The following CYSTM1 variants were observed in gnomAD, a reference collection of about 807,000 sequenced individuals.
The protein encoded by CYSTM1 is cysteine-rich transmembrane module-containing protein 1.
CYSTM1 carries 4 observed loss-of-function variants against 13.1 expected under a neutral mutation model. The ratio of observed to expected loss-of-function variants is 0.31; its 90% CI spans 0.15 to 0.70. CYSTM1 has a LOEUF of 0.70. Among genes scored for constraint, CYSTM1 ranks in the 30% least tolerant of loss-of-function variants. The probability of loss-of-function intolerance (pLI) is 0.72; values close to 1 mark genes in which losing one functional copy is unlikely to be tolerated. For missense variants in CYSTM1, 96 were observed against 121.6 expected (o/e 0.79, Z 0.99); for synonymous variants, 36 against 42.7 (o/e 0.84, Z 0.62).
intron 2 of CYSTM1, among the ~76,000 whole-genome samples, chr5:140,225,856 G>A (rs562489207): frequency 2.6e-5 from 4 of 152,296 alleles, no homozygotes; most frequent in African/African-American, 7.2e-5. Context: ...GTGGCTTTGG[G>A]CATATCCATC....
At chr5:140,222,216 G>A (rs1014710576) in intron 2 of CYSTM1, among the ~76,000 whole-genome samples, 3 of 152,174 alleles carry the variant, frequency 2.0e-5, no homozygotes, top group African/African-American at 7.2e-5. Context: ...GTGCAAGCAT[G>A]GTATTATCCC....
intron 1 of CYSTM1, among the ~76,000 whole-genome samples, chr5:140,186,628 CTG>C (rs904720114): frequency 1.8e-4 from 27 of 152,296 alleles, no homozygotes; most frequent in African/African-American, 6.3e-4. Flanking sequence ...GTGTTATTGT[CTG>C]TCTCTCTCAT....
At chr5:140,186,293 G>A (rs1050511336) in intron 1 of CYSTM1, among the ~76,000 whole-genome samples, 2 of 152,160 alleles carry the variant, frequency 1.3e-5, no homozygotes, top group African/African-American at 2.4e-5. Context: ...CGATAGAAAA[G>A]GAAGATGCAG....
chr5:140,241,197 C>G (rs540314310), intron 2 of CYSTM1, among the ~76,000 whole-genome samples: 1 of 152,338 alleles, frequency 6.6e-6, no homozygotes, highest in Non-Finnish European at 1.5e-5. Context: ...GTGGAGCAAG[C>G]AAGACTAGGA....
rs567338358 is a variant in CYSTM1, at chr5:140,178,681, A to G, written c.-21+3396A>G. Among the ~76,000 whole-genome samples, 13 of 148,886 alleles carry G rather than the reference A, an allele frequency of 8.7e-5. No individual in the cohort carries two copies. In the South Asian group the frequency reaches 1.3e-3, roughly 15 times the overall value. On this transcript the variant is annotated intron_variant, in intron 1 of 2. Transcript: ENST00000261811. ...AGTGGTGTAATCGCAGCTCACTGCAACCTCCACCTCCTGGGCTCAAGCCAT... is the reference window on the plus strand; with the variant it reads ...AGTGGTGTAATCGCAGCTCACTGCAGCCTCCACCTCCTGGGCTCAAGCCAT...
At chr5:140,187,560 G>A (rs1254788932) in intron 1 of CYSTM1, among the ~76,000 whole-genome samples, 1 of 152,100 alleles carries the variant, frequency 6.6e-6, no homozygotes, top group East Asian at 1.9e-4. Flanking sequence ...TAGAGACAAG[G>A]TCTCACTATG....
chr5:140,243,415 GACCA>G lies in CYSTM1; in HGVS notation c.*5_*8del. 6.2e-7 allele frequency: 1 copy of G among 1,613,518 alleles called. No homozygotes were observed. On this transcript the variant is annotated 3_prime_UTR_variant, in exon 3 of 3. Coordinates refer to ENST00000261811, the MANE Select transcript of CYSTM1 (RefSeq NM_032412.4). The stretch of plus-strand genomic sequence containing the variant: ...TCTCTGGGACATGCTCACCTGACCA[GACCA>G]GCCCAGCCGTCCTGTCCTGCCAGCT...
In CYSTM1 at chr5:140,213,098, A is replaced by G. The variant is rs550844813; in HGVS notation, c.187+18446A>G. ...GCCTCAGGCAGGTCCTTCAGGAGAC[A>G]TTCCAGAAGAAGTCATTAGAGATGA... On this transcript the variant is annotated intron_variant, in intron 2 of 2. Coordinates refer to ENST00000261811, the MANE Select transcript of CYSTM1 (RefSeq NM_032412.4). Among the ~76,000 whole-genome samples the G allele has an allele frequency of 8.7e-5, 13 of 150,216 alleles. No individual in the cohort carries two copies. In the South Asian group the frequency reaches 2.8e-3, roughly 32 times the overall value.
At chr5:140,177,069 A>AAAAAAAAAAAC (rs1491329247) in intron 1 of CYSTM1, among the ~76,000 whole-genome samples, 4 of 35,448 alleles carry the variant, frequency 1.1e-4, no homozygotes, top group African/African-American at 4.7e-4. Flanking sequence ...ACTCTGTCTC[A>AAAAAAAAAAAC]AAAAAAAAAA....
intron 2 of CYSTM1, among the ~76,000 whole-genome samples, chr5:140,236,782 G>C (rs1340400186): frequency 6.6e-6 from 1 of 152,218 alleles, no homozygotes; most frequent in Non-Finnish European, 1.5e-5. Context: ...TCCCAAGTTG[G>C]TGGCAGGGAC....
chr5:140,205,599 G>C (rs116466727), intron 2 of CYSTM1, among the ~76,000 whole-genome samples: 3,089 of 152,250 alleles, frequency 0.02, 44 homozygotes, highest in Non-Finnish European at 0.033. Context: ...AGTTTTTCCA[G>C]TTCCCTGAGC....
intron 2 of CYSTM1, among the ~76,000 whole-genome samples, chr5:140,225,335 T>C (rs976740345): frequency 1.3e-5 from 2 of 152,210 alleles, no homozygotes; most frequent in Non-Finnish European, 2.9e-5. Flanking sequence ...GGATTCCTGC[T>C]GGGGTGACCA....
chr5:140,230,059 CAG>C lies in CYSTM1; in HGVS notation c.188-13245_188-13244del. ...CTAATTTTTGTATTTTTAGTAGAGA[CAG>C]GGGTTTCACCATGTTGGTCAGTATG... On this transcript the variant is annotated intron_variant, in intron 2 of 2. Transcript: ENST00000261811. This position sits in a 1 kb window ranked among gnomAD's most constrained non-coding sequence, Gnocchi z 4.1. 6.6e-6 allele frequency among the ~76,000 whole-genome samples: 1 copy of C among 152,056 alleles called. No homozygotes were observed. Among genetic ancestry groups the C allele is most frequent in the Non-Finnish European group, 1.5e-5 (1 of 68,008 alleles).
intron 2 of CYSTM1, among the ~76,000 whole-genome samples, chr5:140,238,689 G>C (rs564300098): frequency 6.6e-6 from 1 of 152,228 alleles, no homozygotes; most frequent in Non-Finnish European, 1.5e-5. Flanking sequence ...TCTCATGGCT[G>C]TCTTGACGTT....
intron 2 of CYSTM1, among the ~76,000 whole-genome samples, chr5:140,215,367 G>C (rs1354865763): frequency 6.6e-6 from 1 of 151,974 alleles, no homozygotes; most frequent in African/African-American, 2.4e-5. Flanking sequence ...ACTTAGCACA[G>C]CAGACAGTAA....
At chr5:140,228,481 G>C (rs188080053) in intron 2 of CYSTM1, among the ~76,000 whole-genome samples, 239 of 152,346 alleles carry the variant, frequency 1.6e-3, no homozygotes, top group African/African-American at 5.4e-3. Flanking sequence ...GGGTTTCCTG[G>C]TCAGCTTGGA....
At chr5:140,211,194 A>G (rs1257054946) in intron 2 of CYSTM1, among the ~76,000 whole-genome samples, 2 of 152,226 alleles carry the variant, frequency 1.3e-5, no homozygotes, top group African/African-American at 4.8e-5. Context: ...TAGCTCATCT[A>G]GTCCTAAGAA....
chr5:140,212,198 T>A (rs1332920219), intron 2 of CYSTM1, among the ~76,000 whole-genome samples: 2 of 152,180 alleles, frequency 1.3e-5, no homozygotes, highest in African/African-American at 2.4e-5. Context: ...TTCAAATTTG[T>A]ATTCTTAACT....
At position 140,243,329 on chromosome 5, in the gene CYSTM1, G is replaced by A. The variant is rs748268518; in HGVS notation, c.212G>A (p.Arg71Lys). The A allele has an allele frequency of 1.2e-5, 20 of 1,614,000 alleles. No homozygotes were observed. The Admixed American group carries it at 3.0e-4, about 24-fold the overall frequency. Residue 71 changes from arginine to lysine, a missense_variant, in exon 3 of 3, where the codon AGA (arginine) becomes AAA (lysine). Physicochemically the swap from Arg to Lys is conservative, Grantham distance 26. Coordinates refer to ENST00000261811, the MANE Select transcript of CYSTM1 (RefSeq NM_032412.4). ...TTVYVVEDQR[R>K]DELGPSTCLT... Reference sequence around the variant, plus strand: ...GTGTATGTGGTAGAAGACCAAAGAAGAGATGAGCTAGGACCATCCACCTGC... The same window carrying A: ...GTGTATGTGGTAGAAGACCAAAGAAAAGATGAGCTAGGACCATCCACCTGC...
Sources: gnomAD v4.1 joint callset for allele counts (sites outside exome capture counted in the v4.1 genomes callset) on GRCh38, gnomAD v4.1.1 for gene constraint, Gnocchi (gnomAD v3.1) non-coding constraint, MANE v1.5 for transcripts, NCBI Gene and HGNC (gene_info 2026-07-23, HGNC 2026-07-21) for gene names.